Variants in EXOC6B observed in about 807,000 individuals in gnomAD.
EXOC6B encodes the protein SEC15 homolog B.
Under a neutral mutation model 113.5 loss-of-function variants are expected in EXOC6B, and 54 were observed. The ratio of observed to expected loss-of-function variants is 0.48; its 90% CI spans 0.38 to 0.60. The LOEUF is 0.60. Among genes scored for constraint, EXOC6B ranks in the 20% least tolerant of loss-of-function variants. The probability of loss-of-function intolerance (pLI) is 0.00; values close to 1 mark genes in which losing one functional copy is unlikely to be tolerated. For synonymous variants in EXOC6B, 357 were observed against 339.0 expected, an observed-to-expected ratio of 1.05 and a Z score of -0.58; for missense variants, 797 against 977.5, an observed-to-expected ratio of 0.82 and a Z score of 2.46.
intron 7 of EXOC6B, among the ~76,000 whole-genome samples, chr2:72,561,460 A>G (rs1181322903): frequency 6.6e-6 from 1 of 152,094 alleles, no homozygotes; most frequent in Non-Finnish European, 1.5e-5. Flanking sequence ...TTTTGTTTAT[A>G]TGTTCTTCTT....
chr2:72,192,350 G>A (rs978848400), intron 20 of EXOC6B, among the ~76,000 whole-genome samples: 4 of 152,122 alleles, frequency 2.6e-5, no homozygotes, highest in African/African-American at 9.7e-5. Context: ...ACATTCAAAT[G>A]GACCAAACCT....
chr2:72,818,116 T>G (rs1313919048), intron 1 of EXOC6B, among the ~76,000 whole-genome samples: 1 of 151,964 alleles, frequency 6.6e-6, no homozygotes, highest in African/African-American at 2.4e-5. Flanking sequence ...GGATTACAGG[T>G]GCCCACCACC....
rs573795232 is a variant in EXOC6B, at chr2:72,276,958, C to T, written c.2196+57989G>A. Among the ~76,000 whole-genome samples, 11 of 152,230 alleles carry T rather than the reference C, an allele frequency of 7.2e-5. 1 individual carries two copies. The East Asian group carries it at 1.4e-3, about 19-fold the overall frequency. Reference sequence around the variant, plus strand: ...GCCTTGTCAATCTTCTTTGATAAAACGACAATTTCTATACTGTTCACTCAT... The same window carrying T: ...GCCTTGTCAATCTTCTTTGATAAAATGACAATTTCTATACTGTTCACTCAT... On this transcript the variant is annotated intron_variant, in intron 20 of 21. Transcript: ENST00000272427.
intron 19 of EXOC6B, among the ~76,000 whole-genome samples, chr2:72,359,701 C>T (rs1572966336): frequency 1.3e-5 from 2 of 152,190 alleles, no homozygotes; most frequent in East Asian, 1.9e-4. Context: ...TGAGACTTCC[C>T]TCCTGATATG....
Position 72,801,331 on chromosome 2 carries a change from TAAA to T in EXOC6B, c.113+24464_113+24466del, listed in dbSNP as rs1440879651. The stretch of plus-strand genomic sequence containing the variant: ...CAAATAATTTATAATTAAAGACACT[TAAA>T]AGAAGATAAGTGTGCTCTCTGTTTA... On this transcript the variant is annotated intron_variant, in intron 1 of 21. Transcript: ENST00000272427. Among the ~76,000 whole-genome samples the T allele has an allele frequency of 2.6e-5, 4 of 152,184 alleles. No homozygotes were observed. The East Asian group carries it at 7.7e-4, about 29-fold the overall frequency.
chr2:72,381,211 C>G (rs1691659087), intron 18 of EXOC6B, among the ~76,000 whole-genome samples: 1 of 151,996 alleles, frequency 6.6e-6, no homozygotes, highest in Non-Finnish European at 1.5e-5. Flanking sequence ...TATGTAGGTC[C>G]TTCTGCAACT....
At chr2:72,695,749 T>A (rs898541347) in intron 6 of EXOC6B, among the ~76,000 whole-genome samples, 1 of 152,106 alleles carries the variant, frequency 6.6e-6, no homozygotes, top group Non-Finnish European at 1.5e-5. Flanking sequence ...GTAAAACTCA[T>A]CTCTCATAAC....
intron 8 of EXOC6B, among the ~76,000 whole-genome samples, chr2:72,526,089 G>A (rs1045973762): frequency 1.3e-5 from 2 of 151,956 alleles, no homozygotes; most frequent in African/African-American, 2.4e-5. Flanking sequence ...AACTGCTAAG[G>A]TAATTCACAG....
intron 6 of EXOC6B, among the ~76,000 whole-genome samples, chr2:72,638,685 C>T (rs1455056686): frequency 1.3e-5 from 2 of 152,212 alleles, no homozygotes; most frequent in African/African-American, 2.4e-5. Flanking sequence ...ACCACAGACA[C>T]TCGAGTTGGC....
At chr2:72,632,769 C>A (rs1056360992) in intron 6 of EXOC6B, among the ~76,000 whole-genome samples, 2 of 152,056 alleles carry the variant, frequency 1.3e-5, no homozygotes, top group Non-Finnish European at 2.9e-5. Flanking sequence ...GCAGTCTTGA[C>A]CTCCTGGGCT....
intron 20 of EXOC6B, among the ~76,000 whole-genome samples, chr2:72,203,869 T>A (rs1336735589): frequency 6.6e-6 from 1 of 152,204 alleles, no homozygotes; most frequent in African/African-American, 2.4e-5. Flanking sequence ...CCACTGCTCT[T>A]CTGTAAGTTG....
At chr2:72,690,434 T>C (rs1339117701) in intron 6 of EXOC6B, among the ~76,000 whole-genome samples, 1 of 152,202 alleles carries the variant, frequency 6.6e-6, no homozygotes, top group African/African-American at 2.4e-5. Context: ...TATCAGTTGA[T>C]CATGTCAATT....
chr2:72,406,773 C>G (rs1693800949), intron 18 of EXOC6B, among the ~76,000 whole-genome samples: 1 of 152,010 alleles, frequency 6.6e-6, no homozygotes, highest in African/African-American at 2.4e-5. Flanking sequence ...AATGGACACC[C>G]TAACATCACA....
chr2:72,564,548 A>G (rs1704058575), intron 7 of EXOC6B, among the ~76,000 whole-genome samples: 1 of 152,206 alleles, frequency 6.6e-6, no homozygotes, highest in African/African-American at 2.4e-5. Flanking sequence ...CTGAAGGAGC[A>G]CTGACTTTGC....
At chr2:72,182,382 A>G (rs912914974) in intron 21 of EXOC6B, among the ~76,000 whole-genome samples, 1 of 152,194 alleles carries the variant, frequency 6.6e-6, no homozygotes, top group African/African-American at 2.4e-5. Flanking sequence ...AAGGACACAT[A>G]TGACCATTAA....
chr2:72,731,161 G>A lies in EXOC6B; in HGVS notation c.412C>T (p.Leu138Phe). 6.2e-7 allele frequency: 1 copy of A among 1,612,036 alleles called. No homozygotes were observed. The change falls in exon 4 of 22, where the codon CTT becomes TTT. Residue 138 changes from leucine to phenylalanine, a missense_variant. Leu to Phe is a conservative substitution (Grantham distance 22). Coordinates refer to ENST00000272427, the MANE Select transcript of EXOC6B (RefSeq NM_015189.3). ...SATVDKLMLC[L>F]PVLEMYSKLR... is the part of the protein sequence containing the mutation. ...TCCATTTCCAGTTCCTCACCTGGAA[G>A]ACACAGCATTAATTTATCAACAGTG...
At chr2:72,624,090 A>T (rs1237485300) in intron 6 of EXOC6B, among the ~76,000 whole-genome samples, 2 of 152,200 alleles carry the variant, frequency 1.3e-5, no homozygotes, top group Non-Finnish European at 2.9e-5. Flanking sequence ...GGATGAAGAT[A>T]TGAAGAGCAA....
Position 72,177,930 on chromosome 2 carries a change from G to A in EXOC6B, c.*1405C>T, listed in dbSNP as rs1677837590. 6.6e-6 allele frequency: 1 copy of A among 152,180 alleles called. No homozygotes were observed. The highest frequency in any genetic ancestry group is 1.5e-5 in the Non-Finnish European group (1 of 68,054). The allele number at this position is 152,180 out of a possible 1,614,324, so 9.4% of individuals were successfully genotyped here. A position where few individuals can be genotyped will look rare whatever the true frequency, so the allele number is the denominator to read the frequency against. On this transcript the variant is annotated 3_prime_UTR_variant, in exon 22 of 22. Transcript: ENST00000272427. The stretch of plus-strand genomic sequence containing the variant: ...TAGCATCTTTCTGAAGTGTCTTAAA[G>A]TACAGTTTCCCCCGACTGACCTCAT...
chr2:72,323,301 G>A (rs954463468), intron 20 of EXOC6B, among the ~76,000 whole-genome samples: 2 of 152,178 alleles, frequency 1.3e-5, no homozygotes, highest in African/African-American at 4.8e-5. Context: ...TCTCATGACA[G>A]TTAGAATGGT....
Sources: gnomAD v4.1 joint callset for allele counts (sites outside exome capture counted in the v4.1 genomes callset) on GRCh38, gnomAD v4.1.1 for gene constraint, MANE v1.5 for transcripts, NCBI Gene and HGNC (gene_info 2026-07-23, HGNC 2026-07-21) for gene names.